TLCD4: variants seen among roughly 807,000 people sequenced by gnomAD.
TLCD4 encodes the protein TLC domain containing 4, also known as TLC domain-containing protein 4.
In TLCD4, 7 loss-of-function variants were observed where a neutral mutation model predicts 24.2. The ratio of observed to expected loss-of-function variants is 0.29; its 90% CI spans 0.16 to 0.54. The LOEUF is 0.54. Ranked by LOEUF, TLCD4 falls within the 20% of genes least tolerant of loss-of-function variation. The probability of loss-of-function intolerance (pLI) is 0.95; values close to 1 mark genes in which losing one functional copy is unlikely to be tolerated. For synonymous variants in TLCD4, 103 were observed against 106.4 expected (o/e 0.97, Z 0.20); for missense variants, 259 against 313.9 (o/e 0.82, Z 1.32).
At chr1:95,146,335 C>G (rs1677347500) in intron 2 of TLCD4, among the ~76,000 whole-genome samples, 2 of 152,068 alleles carry the variant, frequency 1.3e-5, no homozygotes, top group Non-Finnish European at 2.9e-5. Context: ...TATTCACTTT[C>G]TTACCTATCA....
At chr1:95,145,055 C>T (rs1311590713) in intron 2 of TLCD4, among the ~76,000 whole-genome samples, 2 of 152,166 alleles carry the variant, frequency 1.3e-5, no homozygotes, top group Admixed American at 6.5e-5. Context: ...CACAAGATTT[C>T]AAACACAAAA....
chr1:95,103,004 A>G, the TLCD4 span, among the ~76,000 whole-genome samples: 1 of 151,312 alleles, frequency 6.6e-6, no homozygotes, highest in Non-Finnish European at 1.5e-5. Flanking sequence ...TTTGAGACTG[A>G]GTCTTGCTTC....
At chr1:95,133,511 T>C (rs547596115) in intron 1 of TLCD4, among the ~76,000 whole-genome samples, 1 of 152,276 alleles carries the variant, frequency 6.6e-6, no homozygotes, top group Admixed American at 6.5e-5. Context: ...GAGGTTGACC[T>C]TAGGTGGGAA....
the TLCD4 span, among the ~76,000 whole-genome samples, chr1:95,096,942 T>C: frequency 2.6e-5 from 4 of 152,174 alleles, no homozygotes; most frequent in Non-Finnish European, 5.9e-5. Context: ...TAACTTAGAA[T>C]ATTACACATT....
intron 1 of TLCD4, among the ~76,000 whole-genome samples, chr1:95,137,656 CT>C (rs1262721834): frequency 2.0e-5 from 3 of 151,830 alleles, no homozygotes; most frequent in African/African-American, 7.3e-5. Flanking sequence ...CCTTCTTCCC[CT>C]CATCCCCTCT....
chr1:95,141,834 A>ACAC lies in TLCD4; in HGVS notation c.-11-2057_-11-2056insCAC, dbSNP rs1557682582. 1.3e-4 allele frequency among the ~76,000 whole-genome samples: 9 copies of ACAC among 70,816 alleles called. No homozygotes were observed. The East Asian group carries it at 2.2e-3, about 17-fold the overall frequency. 46.5% of individuals were successfully genotyped at this position (70,816 alleles called of 152,430 possible). ...ACACACACACACACACACACACACA[A>ACAC]AGAATGAGGAAAGAATTCATTATAG... is the stretch of plus-strand genomic sequence containing the variant. On this transcript the variant is annotated intron_variant, in intron 1 of 6. Coordinates refer to ENST00000370203, the MANE Select transcript of TLCD4 (RefSeq NM_152487.3).
intron 1 of TLCD4, among the ~76,000 whole-genome samples, chr1:95,124,037 C>T (rs923269010): frequency 3.3e-5 from 5 of 152,166 alleles, no homozygotes; most frequent in Non-Finnish European, 7.3e-5. Flanking sequence ...CAAGGTGGGG[C>T]AATGCATCCT....
intron 1 of TLCD4, among the ~76,000 whole-genome samples, chr1:95,131,180 A>C (rs1676881032): frequency 6.6e-6 from 1 of 152,194 alleles, no homozygotes; most frequent in African/African-American, 2.4e-5. Flanking sequence ...CACTGTGAGA[A>C]GGAAATGTCT....
Position 95,192,403 on chromosome 1 carries a change from A to C in TLCD4, c.*535A>C, listed in dbSNP as rs17113161. 0.078 allele frequency: 11,923 copies of C among 152,518 alleles called. 629 individuals carry two copies. The highest frequency in any genetic ancestry group is 0.1 in the South Asian group (502 of 4,826). The allele number at this position is 152,518 out of a possible 1,614,324, so 9.4% of individuals were successfully genotyped here. A position where few individuals can be genotyped will look rare whatever the true frequency, so the allele number is the denominator to read the frequency against. On this transcript the variant is annotated 3_prime_UTR_variant, in exon 7 of 7. Transcript: ENST00000370203. Reference sequence around the variant, plus strand: ...ATTTACAAGCATGGATAAAAATCTTAAAGGTTTAAATAAAAATGATCAATA... The same window carrying C: ...ATTTACAAGCATGGATAAAAATCTTCAAGGTTTAAATAAAAATGATCAATA...
At chr1:95,148,883 A>G in intron 3 of TLCD4, 92 bp downstream of exon 3, 3 of 1,497,756 alleles carry the variant, frequency 2.0e-6, no homozygotes, top group Admixed American at 2.0e-5. Flanking sequence ...AACAGAAAAC[A>G]TATTGATCGT....
chr1:95,183,045 G>A (rs1678702908), intron 6 of TLCD4, among the ~76,000 whole-genome samples: 1 of 152,120 alleles, frequency 6.6e-6, no homozygotes, highest in Non-Finnish European at 1.5e-5. Context: ...AGATTATAGT[G>A]GAGAAAGACA....
intron 2 of TLCD4, among the ~76,000 whole-genome samples, chr1:95,147,716 A>G (rs535301517): frequency 6.6e-6 from 1 of 152,236 alleles, no homozygotes; most frequent in African/African-American, 2.4e-5. Flanking sequence ...CACACCAGTA[A>G]TTTTTAGAGA....
At chr1:95,161,159 T>G (rs1677786305) in intron 5 of TLCD4, among the ~76,000 whole-genome samples, 1 of 152,204 alleles carries the variant, frequency 6.6e-6, no homozygotes, top group African/African-American at 2.4e-5. Flanking sequence ...GGTAGGCTAT[T>G]AATTATTGCC....
chr1:95,174,529 A>G (rs1015245545), intron 6 of TLCD4, among the ~76,000 whole-genome samples: 4 of 125,612 alleles, frequency 3.2e-5, no homozygotes, highest in African/African-American at 1.5e-4. Context: ...AAAAAAAAGA[A>G]AAAAGAAAAT....
chr1:95,094,039 T>C, the TLCD4 span, among the ~76,000 whole-genome samples: 2 of 152,170 alleles, frequency 1.3e-5, no homozygotes, highest in Non-Finnish European at 2.9e-5. Flanking sequence ...GCATAAAAAA[T>C]AATGATATGG....
the TLCD4 span, among the ~76,000 whole-genome samples, chr1:95,097,801 C>T: frequency 2.0e-4 from 30 of 152,280 alleles, no homozygotes; most frequent in Middle Eastern, 3.4e-3. Flanking sequence ...AGTTGATAAA[C>T]GGAACTCTTA....
At chr1:95,170,300 TAGTG>T (rs1374234532) in intron 5 of TLCD4, among the ~76,000 whole-genome samples, 1 of 151,746 alleles carries the variant, frequency 6.6e-6, no homozygotes, top group East Asian at 1.9e-4. Flanking sequence ...GAATCTGTCT[TAGTG>T]AGGGGTTATA....
chr1:95,145,558 A>G (rs12239725), intron 2 of TLCD4, among the ~76,000 whole-genome samples: 23,448 of 152,244 alleles, frequency 0.15, 1,965 homozygotes, highest in Non-Finnish European at 0.18. Context: ...GTTCAAATGC[A>G]TTATACTAGA....
the TLCD4 span, among the ~76,000 whole-genome samples, chr1:95,098,788 G>A: frequency 6.6e-6 from 1 of 152,122 alleles, no homozygotes; most frequent in South Asian, 2.1e-4. Context: ...GGATAGGCTG[G>A]GTGCGGTGGC....
Sources: gnomAD v4.1 joint callset for allele counts (sites outside exome capture counted in the v4.1 genomes callset) on GRCh38, gnomAD v4.1.1 for gene constraint, MANE v1.5 for transcripts, NCBI Gene and HGNC (gene_info 2026-07-23, HGNC 2026-07-21) for gene names.